Variants in ZFYVE16 observed in about 807,000 individuals in gnomAD.
ZFYVE16 encodes zinc finger FYVE-type containing 16, also known as zinc finger FYVE domain-containing protein 16.
ZFYVE16 carries 89 observed loss-of-function variants against 138.1 expected under a neutral mutation model. The ratio of observed to expected loss-of-function variants is 0.64; its 90% confidence interval spans 0.54 to 0.77. The LOEUF is 0.77. Ranked by LOEUF, ZFYVE16 falls within the 30% of genes least tolerant of loss-of-function variation. The pLI, the probability that ZFYVE16 is intolerant of heterozygous loss-of-function variation, is 0.00. For missense variants in ZFYVE16, 1,793 were observed against 1,786.7 expected, an observed-to-expected ratio of 1.00 and a Z score of -0.06; for synonymous variants, 596 against 618.3, an observed-to-expected ratio of 0.96 and a Z score of 0.53.
chr5:80,441,593 G>T (rs1820119), intron 5 of ZFYVE16: 871,211 of 984,774 alleles, frequency 0.88, 390,334 homozygotes, highest in East Asian at 0.92. Flanking sequence ...TGAGACATAT[G>T]CCATGAAGGA....
chr5:80,439,016 T>G lies in ZFYVE16; in HGVS notation c.2322+9T>G. 1.3e-6 allele frequency: 2 copies of G among 1,592,212 alleles called. No individual in the cohort carries two copies. The highest frequency in any genetic ancestry group is 1.7e-6 in the Non-Finnish European group (2 of 1,170,830). ...GCCGAGCATGTGGGAAAGTAAGTTA[T>G]AAAAATCTTTTAAGTCTTTTGTTCT... On this transcript the variant is annotated intron_variant, in intron 4 of 18. Coordinates refer to ENST00000505560, the MANE Select transcript of ZFYVE16 (RefSeq NM_001284236.3).
intron 16 of ZFYVE16, among the ~76,000 whole-genome samples, chr5:80,473,230 A>C (rs936055091): frequency 6.6e-6 from 1 of 152,124 alleles, no homozygotes; most frequent in Non-Finnish European, 1.5e-5. Context: ...TTCAGATGGT[A>C]CCTATTTTTG....
Position 80,448,389 on chromosome 5 carries a change from G to A in ZFYVE16, c.3088G>A (p.Gly1030Arg). 7 of 1,531,598 alleles carry A rather than the reference G, an allele frequency of 4.6e-6. No homozygotes were observed. Among genetic ancestry groups the A allele is most frequent in the Non-Finnish European group, 6.1e-6 (7 of 1,143,858 alleles). The allele number at this position is 1,531,598 out of a possible 1,614,324, so 94.9% of individuals were successfully genotyped here. ...TTTGCCCCCACTTCTGGTTGCATCT[G>A]GAGAAAAGGGATCAGGTAGGGAAGC... ...DSLPPLLVAS[G>R]EKGSVPVVEE... Residue 1030 changes from glycine (G) to arginine (R), a missense_variant, in exon 8 of 19, where the codon GGA (glycine) becomes AGA (arginine). Transcript: ENST00000505560.
intron 5 of ZFYVE16, among the ~76,000 whole-genome samples, chr5:80,442,636 T>C (rs1351580006): frequency 6.6e-6 from 1 of 152,136 alleles, no homozygotes; most frequent in Non-Finnish European, 1.5e-5. Context: ...TAGTGAGAGA[T>C]GAGGTCAAAC....
At chr5:80,440,189 T>A (rs1402173324) in intron 5 of ZFYVE16, 157 bp downstream of exon 5, 1 of 1,248,618 alleles carries the variant, frequency 8.0e-7, no homozygotes, top group African/African-American at 1.5e-5. Context: ...GTTTCTCTTC[T>A]TTTTGTTCCA....
At chr5:80,434,013 G>A in intron 2 of ZFYVE16, 96 bp from the exon 3 acceptor site, 2 of 789,702 alleles carry the variant, frequency 2.5e-6, no homozygotes, top group Admixed American at 2.6e-5. Context: ...TTTTATTTCT[G>A]TGTCAATTTC....
At chr5:80,446,620 G>A (rs190485161) in intron 7 of ZFYVE16, among the ~76,000 whole-genome samples, 71 of 152,152 alleles carry the variant, frequency 4.7e-4, no homozygotes, top group Non-Finnish European at 8.4e-4. Context: ...AAAGTGTCTT[G>A]GGGACCCCAG....
intron 12 of ZFYVE16, 114 bp from the exon 13 acceptor site, chr5:80,456,347 C>T (rs957698794): frequency 2.5e-5 from 20 of 812,412 alleles, no homozygotes; most frequent in Non-Finnish European, 7.6e-6. Context: ...AAAGTTTTTC[C>T]TGAGAATGAT....
At chr5:80,448,887 A>C (rs1162404665) in intron 8 of ZFYVE16, among the ~76,000 whole-genome samples, 1 of 152,076 alleles carries the variant, frequency 6.6e-6, no homozygotes, top group Non-Finnish European at 1.5e-5. Context: ...CTTTTCAAGC[A>C]GGAGATTCTA....
intron 7 of ZFYVE16, among the ~76,000 whole-genome samples, chr5:80,445,901 CTT>C (rs796531343): frequency 3.6e-4 from 44 of 121,850 alleles, no homozygotes; most frequent in African/African-American, 7.3e-4. Context: ...CAGATTTTAC[CTT>C]TTTTTTTTTT....
intron 15 of ZFYVE16, among the ~76,000 whole-genome samples, chr5:80,463,735 T>C (rs1341000963): frequency 6.6e-6 from 1 of 152,194 alleles, no homozygotes; most frequent in East Asian, 1.9e-4. Flanking sequence ...AAGTATCTCT[T>C]TGTGAATGCA....
chr5:80,476,958 T>C (rs539464336), intron 18 of ZFYVE16, among the ~76,000 whole-genome samples: 25 of 152,292 alleles, frequency 1.6e-4, no homozygotes, highest in Admixed American at 4.6e-4. Context: ...CCCTCTAATT[T>C]GTTTATGTGT....
chr5:80,472,888 C>G lies in ZFYVE16; in HGVS notation c.4152C>G (p.Ile1384Met). The change falls in exon 16 of 19, where the codon ATC (isoleucine) becomes ATG (methionine). Residue 1384 changes from isoleucine to methionine, a missense_variant. By Grantham distance (10) the Ile-to-Met change is conservative. Coordinates refer to ENST00000505560, the MANE Select transcript of ZFYVE16 (RefSeq NM_001284236.3). ...TAGACCTGAGAGAATACGTGGATAT[C>G]TGCTGGGTAGATGCTGAAGAAAAAG... ...DAVDLREYVDICWVDAEEKGN... is the reference protein window; with the variant it reads ...DAVDLREYVDMCWVDAEEKGN... 6.2e-7 allele frequency: 1 copy of G among 1,611,944 alleles called. No homozygotes were observed. Among genetic ancestry groups the G allele is most frequent in the Non-Finnish European group, 8.5e-7 (1 of 1,178,914 alleles).
intron 1 of ZFYVE16, chr5:80,411,601 C>G (rs1745468277): frequency 6.6e-6 from 1 of 152,194 alleles, no homozygotes; most frequent in Non-Finnish European, 1.5e-5. Flanking sequence ...CTTTAGTTAT[C>G]TGATGGCAGG....
intron 4 of ZFYVE16, 85 bp downstream of exon 4, chr5:80,439,092 A>G (rs548678410): frequency 1.5e-6 from 2 of 1,316,102 alleles, no homozygotes; most frequent in Non-Finnish European, 2.1e-6. Context: ...TGATGAACAG[A>G]TAATTACAAG....
At position 80,449,266 on chromosome 5, in the gene ZFYVE16, T is replaced by C. The variant is rs1183981337; in HGVS notation, c.3104-325T>C. Among the ~76,000 whole-genome samples the C allele has an allele frequency of 3.3e-5, 5 of 152,288 alleles. No homozygotes were observed. The South Asian group carries it at 1.0e-3, about 32-fold the overall frequency. ...ACTTGTAAATATCAAAAATTATAAA[T>C]GGAGTGCTTACCAAACTGGAATCTA... On this transcript the variant is annotated intron_variant, in intron 8 of 18. Coordinates refer to ENST00000505560, the MANE Select transcript of ZFYVE16 (RefSeq NM_001284236.3).
intron 1 of ZFYVE16, among the ~76,000 whole-genome samples, chr5:80,420,248 A>G (rs1240469236): frequency 6.6e-6 from 1 of 152,066 alleles, no homozygotes; most frequent in African/African-American, 2.4e-5. Context: ...CTGGGATTAT[A>G]GGCGTGTACC....
chr5:80,445,543 A>C, intron 7 of ZFYVE16, 138 bp downstream of exon 7: 1 of 754,184 alleles, frequency 1.3e-6, no homozygotes. Context: ...TGATATAGTG[A>C]ATATATTTTA....
At chr5:80,415,014 T>C (rs1396564992) in intron 1 of ZFYVE16, among the ~76,000 whole-genome samples, 1 of 152,188 alleles carries the variant, frequency 6.6e-6, no homozygotes, top group African/African-American at 2.4e-5. Flanking sequence ...CGTGGTTTAT[T>C]TGACAGTTTC....
Sources: allele counts gnomAD v4.1 joint callset (sites outside exome capture counted in the v4.1 genomes callset), GRCh38; gene constraint gnomAD v4.1.1; transcripts MANE v1.5; gene names NCBI Gene and HGNC (gene_info 2026-07-23, HGNC 2026-07-21).